NRCAM: variants seen among roughly 807,000 people sequenced by gnomAD.
NRCAM encodes the protein neuronal cell adhesion molecule, also known as NgCAM-related cell adhesion molecule.
In NRCAM, 83 loss-of-function variants were observed where a neutral mutation model predicts 156.5. The ratio of observed to expected loss-of-function variants is 0.53; its 90% confidence interval spans 0.44 to 0.64. The LOEUF is 0.64. Ranked by LOEUF, NRCAM falls within the 30% of genes least tolerant of loss-of-function variation. The probability of loss-of-function intolerance (pLI) is 0.00; values close to 1 mark genes in which losing one functional copy is unlikely to be tolerated. For missense variants in NRCAM, 1,417 were observed against 1,597.3 expected, an observed-to-expected ratio of 0.89 and a Z score of 1.92; for synonymous variants, 538 against 563.9, an observed-to-expected ratio of 0.95 and a Z score of 0.65.
chr7:108,184,659 T>C (rs772992666), intron 20 of NRCAM, 45 bp from the exon 21 acceptor site: 2 of 1,573,572 alleles, frequency 1.3e-6, no homozygotes, highest in Middle Eastern at 2.3e-4. Context: ...GTGAATTCAG[T>C]CAACTCAGGG....
chr7:108,373,879 T>C (rs2099644726), intron 2 of NRCAM, among the ~76,000 whole-genome samples: 1 of 152,154 alleles, frequency 6.6e-6, no homozygotes, highest in Admixed American at 6.6e-5. Context: ...TTATTCTAAA[T>C]GGGGAATACA....
At chr7:108,380,894 A>G (rs1046035300) in intron 2 of NRCAM, among the ~76,000 whole-genome samples, 27 of 152,244 alleles carry the variant, frequency 1.8e-4, no homozygotes, top group African/African-American at 6.5e-4. Context: ...TTTTGTATGT[A>G]TGTAATATCC....
intron 2 of NRCAM, among the ~76,000 whole-genome samples, chr7:108,347,674 C>G (rs1182190829): frequency 6.6e-6 from 1 of 152,166 alleles, no homozygotes; most frequent in African/African-American, 2.4e-5. Context: ...TTTCCTAACT[C>G]AAAGGGATCC....
chr7:108,187,279 G>T (rs769894903), intron 20 of NRCAM, among the ~76,000 whole-genome samples: 1 of 152,044 alleles, frequency 6.6e-6, no homozygotes, highest in Non-Finnish European at 1.5e-5. Context: ...ACCCACCACC[G>T]AACTCTTCAG....
chr7:108,334,043 A>C (rs906105735), intron 2 of NRCAM, among the ~76,000 whole-genome samples: 12 of 152,236 alleles, frequency 7.9e-5, no homozygotes, highest in African/African-American at 2.7e-4. Context: ...TATTGCTAAC[A>C]ATATTCAGAA....
At chr7:108,295,673 T>C (rs2098439871) in intron 3 of NRCAM, among the ~76,000 whole-genome samples, 1 of 152,222 alleles carries the variant, frequency 6.6e-6, no homozygotes, top group Admixed American at 6.5e-5. Flanking sequence ...ATTCACCTCA[T>C]AGCATTCATT....
In NRCAM at chr7:108,421,966, G is replaced by T. The variant is rs942267710; in HGVS notation, c.-331-22373C>A. Among the ~76,000 whole-genome samples, 9 of 152,240 alleles carry T rather than the reference G, an allele frequency of 5.9e-5. No individual in the cohort carries two copies. The East Asian group carries it at 1.4e-3, about 23-fold the overall frequency. ...AGCAACCTTTTCCACTAAAACGAAG[G>T]TATGTTTATGGCATGCCACATACAG... is the stretch of plus-strand genomic sequence containing the variant. On this transcript the variant is annotated intron_variant, in intron 1 of 32. Transcript: ENST00000379028.
In NRCAM at chr7:108,337,943, C is replaced by T. The variant is rs1323677852; in HGVS notation, c.-173-25212G>A. Among the ~76,000 whole-genome samples the T allele has an allele frequency of 2.6e-5, 4 of 152,182 alleles. No individual in the cohort carries two copies. The East Asian group carries it at 7.7e-4, about 29-fold the overall frequency. Reference sequence around the variant, plus strand: ...AGAATTGGAGGAAAATACCGGACACCTGTCGGCCGGTTAAAAACGATTAGC... The same window carrying T: ...AGAATTGGAGGAAAATACCGGACACTTGTCGGCCGGTTAAAAACGATTAGC... On this transcript the variant is annotated intron_variant, in intron 2 of 32. Transcript: ENST00000379028.
intron 30 of NRCAM, among the ~76,000 whole-genome samples, chr7:108,160,734 C>A (rs10224607): frequency 0.089 from 13,485 of 152,172 alleles, 996 homozygotes; most frequent in African/African-American, 0.19. Context: ...ATGCTAAAAA[C>A]CCCTGGTGAA....
chr7:108,156,442 C>T, intron 32 of NRCAM: 8 of 983,152 alleles, frequency 8.1e-6, no homozygotes, highest in Non-Finnish European at 9.7e-6. Context: ...GATGCAGATC[C>T]TACTGTCTGT....
chr7:108,390,266 C>A (rs1596134513), intron 2 of NRCAM, among the ~76,000 whole-genome samples: 1 of 152,096 alleles, frequency 6.6e-6, no homozygotes, highest in Non-Finnish European at 1.5e-5. Context: ...TCAACTTCTT[C>A]CTGGTTTAGT....
chr7:108,221,834 C>T (rs1037199984), intron 11 of NRCAM, among the ~76,000 whole-genome samples: 1 of 151,800 alleles, frequency 6.6e-6, no homozygotes, highest in African/African-American at 2.4e-5. Context: ...ACTCATGTAA[C>T]CAAACACCAC....
At chr7:108,314,576 C>G (rs1225569032) in intron 2 of NRCAM, among the ~76,000 whole-genome samples, 1 of 152,146 alleles carries the variant, frequency 6.6e-6, no homozygotes, top group Non-Finnish European at 1.5e-5. Flanking sequence ...CATAACAAAT[C>G]AATTACAATA....
At chr7:108,449,859 A>T (rs565496478) in intron 1 of NRCAM, among the ~76,000 whole-genome samples, 10 of 152,188 alleles carry the variant, frequency 6.6e-5, no homozygotes, top group African/African-American at 2.4e-4. Flanking sequence ...CATATTACCC[A>T]GTGGAAGACC....
intron 3 of NRCAM, among the ~76,000 whole-genome samples, chr7:108,257,378 A>G (rs192534613): frequency 6.6e-6 from 1 of 152,198 alleles, no homozygotes; most frequent in Non-Finnish European, 1.5e-5. Flanking sequence ...AAGAAAGTTA[A>G]CTGGAACATC....
chr7:108,438,163 T>C (rs896979932), intron 1 of NRCAM, among the ~76,000 whole-genome samples: 1 of 152,016 alleles, frequency 6.6e-6, no homozygotes, highest in African/African-American at 2.4e-5. Context: ...CGAGAACACT[T>C]CCCAACACAA....
intron 2 of NRCAM, among the ~76,000 whole-genome samples, chr7:108,374,646 A>G (rs1361597783): frequency 6.6e-6 from 1 of 152,168 alleles, no homozygotes; most frequent in Non-Finnish European, 1.5e-5. Context: ...ACACTGAGCT[A>G]TGAGTAGGAT....
chr7:108,299,835 A>G (rs2098552660), intron 3 of NRCAM, among the ~76,000 whole-genome samples: 1 of 152,216 alleles, frequency 6.6e-6, no homozygotes, highest in Admixed American at 6.5e-5. Context: ...GGTGAAGTAC[A>G]TGAACTCTGG....
intron 2 of NRCAM, among the ~76,000 whole-genome samples, chr7:108,352,446 T>C (rs568004198): frequency 6.6e-6 from 1 of 152,324 alleles, no homozygotes; most frequent in African/African-American, 2.4e-5. Flanking sequence ...TTGGCCAATA[T>C]CAGAACTACT....
Sources: allele counts gnomAD v4.1 joint callset (sites outside exome capture counted in the v4.1 genomes callset), GRCh38; gene constraint gnomAD v4.1.1; transcripts MANE v1.5; gene names NCBI Gene and HGNC (gene_info 2026-07-23, HGNC 2026-07-21).